Variants in PARD3B observed in about 807,000 individuals in gnomAD.
PARD3B encodes the protein par-3 family cell polarity regulator beta, also known as partitioning defective 3 homolog B.
PARD3B carries 103 observed loss-of-function variants against 130.2 expected under a neutral mutation model. The observed-to-expected ratio is 0.79, with a 90% confidence interval of 0.67 to 0.93. The LOEUF (loss-of-function observed/expected upper bound fraction) is 0.93. Among genes scored for constraint, PARD3B ranks in the 40% least tolerant of loss-of-function variants. The pLI is 0.00. For synonymous variants in PARD3B, 583 were observed against 553.2 expected (o/e 1.05, Z -0.76); for missense variants, 1,609 against 1,499.2 (o/e 1.07, Z -1.21).
In PARD3B at chr2:205,122,732, G is replaced by C. The variant is rs908921592; in HGVS notation, c.1165+783G>C. On this transcript the variant is annotated intron_variant, in intron 8 of 22. Transcript: ENST00000406610. The surrounding 1 kb of genome is among the most constrained non-coding windows in gnomAD (Gnocchi z 4.3). ...TTAATAGAGAATTTATGGTCAAAAG[G>C]TAGTTTTAGAAAAACTATTAAGGTC... 1.3e-5 allele frequency among the ~76,000 whole-genome samples: 2 copies of C among 152,142 alleles called. No homozygotes were observed. Among genetic ancestry groups the C allele is most frequent in the Admixed American group, 1.3e-4 (2 of 15,274 alleles).
chr2:204,956,170 T>C (rs1690219761), intron 2 of PARD3B, among the ~76,000 whole-genome samples: 1 of 152,302 alleles, frequency 6.6e-6, no homozygotes, highest in East Asian at 1.9e-4. Flanking sequence ...CAATAAGTTA[T>C]TGCCTTCAAG....
chr2:204,568,674 G>T (rs1200265766), intron 1 of PARD3B, among the ~76,000 whole-genome samples: 1 of 152,070 alleles, frequency 6.6e-6, no homozygotes, highest in Non-Finnish European at 1.5e-5. Flanking sequence ...AAAATTACAG[G>T]CTGGTTTCGG....
chr2:204,554,901 T>C (rs1263279829), intron 1 of PARD3B, among the ~76,000 whole-genome samples: 1 of 152,190 alleles, frequency 6.6e-6, no homozygotes, highest in Non-Finnish European at 1.5e-5. Context: ...GAAAGTTAGA[T>C]TTGTGGAGGG....
At chr2:205,549,925 A>G (rs946038485) in intron 21 of PARD3B, among the ~76,000 whole-genome samples, 3 of 152,142 alleles carry the variant, frequency 2.0e-5, no homozygotes, top group Non-Finnish European at 2.9e-5. Context: ...TTTTTTTGTG[A>G]ACCTAAAACT....
chr2:205,311,432 G>T (rs190172134), intron 18 of PARD3B, among the ~76,000 whole-genome samples: 315 of 152,262 alleles, frequency 2.1e-3, no homozygotes, highest in Middle Eastern at 0.021. Context: ...TCACTGAGCA[G>T]TTTTTCATGT....
At chr2:205,220,181 A>G (rs1236899320) in intron 15 of PARD3B, among the ~76,000 whole-genome samples, 1 of 152,110 alleles carries the variant, frequency 6.6e-6, no homozygotes, top group Non-Finnish European at 1.5e-5. Context: ...TGATCATGTC[A>G]CTTCCTTGCT....
At chr2:204,982,903 G>C (rs1692799189) in intron 3 of PARD3B, among the ~76,000 whole-genome samples, 1 of 152,148 alleles carries the variant, frequency 6.6e-6, no homozygotes, top group African/African-American at 2.4e-5. Context: ...TACTTGAGGG[G>C]AATATTTCAA....
At chr2:205,097,104 T>A (rs952021080) in intron 4 of PARD3B, among the ~76,000 whole-genome samples, 1 of 152,156 alleles carries the variant, frequency 6.6e-6, no homozygotes, top group African/African-American at 2.4e-5. Context: ...CTTGCATATG[T>A]TCAGGTATGA....
chr2:205,004,813 G>A (rs928760904), intron 3 of PARD3B, among the ~76,000 whole-genome samples: 3 of 152,130 alleles, frequency 2.0e-5, no homozygotes, highest in Non-Finnish European at 4.4e-5. Flanking sequence ...TGTGCTATTC[G>A]TTGGTTCAAC....
chr2:204,705,649 C>T (rs548916429), intron 2 of PARD3B, among the ~76,000 whole-genome samples: 1 of 152,134 alleles, frequency 6.6e-6, no homozygotes, highest in Non-Finnish European at 1.5e-5. Context: ...TATCATCTGT[C>T]AAGCCACTGA....
chr2:204,688,909 AT>A (rs2037222043), intron 2 of PARD3B, among the ~76,000 whole-genome samples: 1 of 152,196 alleles, frequency 6.6e-6, no homozygotes, highest in African/African-American at 2.4e-5. Context: ...GCACGGATAG[AT>A]GCACATAATC....
At chr2:204,940,510 G>A (rs965377167) in intron 2 of PARD3B, among the ~76,000 whole-genome samples, 16 of 151,044 alleles carry the variant, frequency 1.1e-4, no homozygotes, top group African/African-American at 3.9e-4. Flanking sequence ...TTATCTAGAA[G>A]TTCTGTGTCT....
intron 3 of PARD3B, among the ~76,000 whole-genome samples, chr2:205,006,688 G>A (rs1302199399): frequency 6.6e-6 from 1 of 152,070 alleles, no homozygotes; most frequent in Non-Finnish European, 1.5e-5. Context: ...ATTTGTCTGA[G>A]TTCCTTGTAG....
At chr2:205,551,946 G>A (rs921954442) in intron 21 of PARD3B, among the ~76,000 whole-genome samples, 1 of 152,210 alleles carries the variant, frequency 6.6e-6, no homozygotes, top group African/African-American at 2.4e-5. Context: ...AAGAGCAAAA[G>A]GAAGCACATG....
chr2:205,554,903 G>A (rs1253922979), intron 22 of PARD3B, among the ~76,000 whole-genome samples: 1 of 152,154 alleles, frequency 6.6e-6, no homozygotes, highest in South Asian at 2.1e-4. Flanking sequence ...AGCATCTGTG[G>A]ATTCTGGTAT....
intron 19 of PARD3B, among the ~76,000 whole-genome samples, chr2:205,422,847 T>TA (rs2106099055): frequency 6.9e-3 from 4 of 580 alleles, no homozygotes; most frequent in South Asian, 0.12. Context: ...CTGAAAAGAA[T>TA]AGCTTGGTGA....
chr2:204,686,213 A>G lies in PARD3B; in HGVS notation c.153A>G (p.Leu51=), dbSNP rs1407184527. The change falls in exon 2 of 23, where the codon TTA becomes TTG. Residue 51 remains leucine (L), a synonymous_variant. Coordinates refer to ENST00000406610, the MANE Select transcript of PARD3B (RefSeq NM_001302769.2). Reference sequence around the variant, plus strand: ...GTTACTGGGTGAAGATTCATCACTTAGAATATACAGATGGAGGAATCCTGG... The same window carrying G: ...GTTACTGGGTGAAGATTCATCACTTGGAATATACAGATGGAGGAATCCTGG... The part of the protein sequence containing the change: ...GPGYWVKIHH[L]EYTDGGILDP... The G allele has an allele frequency of 5.0e-6, 8 of 1,612,480 alleles. No individual in the cohort carries two copies. The South Asian group carries it at 6.6e-5, about 13-fold the overall frequency.
intron 1 of PARD3B, among the ~76,000 whole-genome samples, chr2:204,577,100 G>T (rs1277032025): frequency 1.3e-5 from 2 of 152,120 alleles, no homozygotes; most frequent in Non-Finnish European, 2.9e-5. Context: ...CTCTACCAGA[G>T]AAATCAAAAT....
intron 18 of PARD3B, among the ~76,000 whole-genome samples, chr2:205,328,306 G>T (rs913666423): frequency 2.0e-5 from 3 of 152,076 alleles, no homozygotes; most frequent in African/African-American, 7.2e-5. Flanking sequence ...CCTTAGCCTT[G>T]TAAGCTTTAG....
Sources: gnomAD v4.1 joint callset for allele counts (sites outside exome capture counted in the v4.1 genomes callset) on GRCh38, gnomAD v4.1.1 for gene constraint, Gnocchi (gnomAD v3.1) non-coding constraint, MANE v1.5 for transcripts, NCBI Gene and HGNC (gene_info 2026-07-23, HGNC 2026-07-21) for gene names.